Variants in MTSS1 observed in about 807,000 individuals in gnomAD.
MTSS1 encodes protein MTSS 1.
In MTSS1, 18 loss-of-function variants were observed where a neutral mutation model predicts 79.0. The ratio of observed to expected loss-of-function variants is 0.23; its 90% CI spans 0.16 to 0.34. MTSS1 has a LOEUF of 0.34. MTSS1 is among the 10% of genes least tolerant of loss of function. The pLI, the probability that MTSS1 is intolerant of heterozygous loss-of-function variation, is 1.00. For missense variants in MTSS1, 815 were observed against 986.2 expected, an observed-to-expected ratio of 0.83 and a Z score of 2.33; for synonymous variants, 341 against 368.6, an observed-to-expected ratio of 0.93 and a Z score of 0.86.
intron 3 of MTSS1, among the ~76,000 whole-genome samples, chr8:124,633,537 G>A (rs112318423): frequency 0.028 from 4,263 of 151,946 alleles, 172 homozygotes; most frequent in African/African-American, 0.097. Context: ...TTGGGAGGTC[G>A]AGGCGGGTGG....
intron 3 of MTSS1, among the ~76,000 whole-genome samples, chr8:124,679,927 C>A (rs1235072267): frequency 5.3e-5 from 8 of 152,170 alleles, no homozygotes; most frequent in Admixed American, 1.3e-4. Context: ...CTCATGTACC[C>A]ACTATTTTGG....
At chr8:124,614,163 C>CAAAAAAAA (rs3050528) in intron 3 of MTSS1, among the ~76,000 whole-genome samples, 1 of 92,444 alleles carries the variant, frequency 1.1e-5, no homozygotes. Flanking sequence ...ATACCTGCCT[C>CAAAAAAAA]AAAAAAAAAA....
chr8:124,567,854 T>C (rs936806326), intron 7 of MTSS1: 2 of 1,479,126 alleles, frequency 1.4e-6, no homozygotes, highest in Admixed American at 2.5e-5. Context: ...CCAGAACGCC[T>C]GCAGTGCAAG....
chr8:124,691,089 A>G (rs760791158), intron 3 of MTSS1, among the ~76,000 whole-genome samples: 1 of 152,240 alleles, frequency 6.6e-6, no homozygotes, highest in Non-Finnish European at 1.5e-5. Flanking sequence ...TTTTAAAAAG[A>G]TGTTTTATTC....
At chr8:124,577,742 C>A in intron 6 of MTSS1, 1 of 451,494 alleles carries the variant, frequency 2.2e-6, no homozygotes, top group Non-Finnish European at 4.4e-6. Flanking sequence ...TGGAACCATC[C>A]CACCCTCTGC....
intron 3 of MTSS1, among the ~76,000 whole-genome samples, chr8:124,663,482 T>G (rs539058391): frequency 2.1e-4 from 32 of 152,104 alleles, no homozygotes; most frequent in African/African-American, 7.5e-4. Flanking sequence ...TTGGCATGCA[T>G]CATCAGCCCA....
Position 124,553,373 on chromosome 8 carries a change from C to T in MTSS1, c.1887G>A (p.Val629=), listed in dbSNP as rs1822892360. The T allele has an allele frequency of 1.2e-6, 2 of 1,611,484 alleles. No homozygotes were observed. The highest frequency in any genetic ancestry group is 1.7e-6 in the Non-Finnish European group (2 of 1,177,992). The part of the protein sequence containing the change: ...KTPTVPDLPG[V]LPAPPDGPEE... ...CTGGCCCATCTGGAGGGGCTGGCAA[C>T]ACCCCTGGGAGGTCTGGGACGGTTG... The change falls in exon 14 of 14, where the codon GTG becomes GTA. Residue 629 remains valine, a synonymous_variant. Coordinates refer to ENST00000518547, the MANE Select transcript of MTSS1 (RefSeq NM_014751.6). This position sits in a 1 kb window ranked among gnomAD's most constrained non-coding sequence, Gnocchi z 6.0.
Position 124,574,075 on chromosome 8 carries a change from C to T in MTSS1, c.461-5539G>A, listed in dbSNP as rs186962600. ...CGGCACAATCTCAGCTCACTGAAAC[C>T]TCTGCCTCCTGGGTTCAAGACAGTA... On this transcript the variant is annotated intron_variant, in intron 6 of 13. Coordinates refer to ENST00000518547, the MANE Select transcript of MTSS1 (RefSeq NM_014751.6). Among the ~76,000 whole-genome samples, 5 of 152,262 alleles carry T rather than the reference C, an allele frequency of 3.3e-5. No individual in the cohort carries two copies. The East Asian group carries it at 9.7e-4, about 29-fold the overall frequency.
At chr8:124,707,775 C>G (rs1196013634) in intron 1 of MTSS1, among the ~76,000 whole-genome samples, 1 of 151,990 alleles carries the variant, frequency 6.6e-6, no homozygotes, top group African/African-American at 2.4e-5. Flanking sequence ...ACTCAGGAGG[C>G]TGAGGTGGGA....
chr8:124,558,736 C>G, intron 10 of MTSS1: 1 of 1,576,124 alleles, frequency 6.3e-7, no homozygotes, highest in East Asian at 2.3e-5. Flanking sequence ...ACCCAGGCAC[C>G]CATGGTGGAG....
At chr8:124,620,793 T>A (rs1327922161) in intron 3 of MTSS1, among the ~76,000 whole-genome samples, 1 of 152,192 alleles carries the variant, frequency 6.6e-6, no homozygotes, top group African/African-American at 2.4e-5. Flanking sequence ...TTTTAAAACA[T>A]CTTTTCATCT....
chr8:124,598,677 A>G (rs925141486), intron 3 of MTSS1, among the ~76,000 whole-genome samples: 3 of 152,248 alleles, frequency 2.0e-5, no homozygotes, highest in Admixed American at 6.5e-5. Flanking sequence ...TCCACTTGCC[A>G]TTAAAGAAAC....
intron 1 of MTSS1, among the ~76,000 whole-genome samples, chr8:124,721,928 T>C (rs539769909): frequency 2.5e-4 from 38 of 152,272 alleles, no homozygotes; most frequent in Non-Finnish European, 4.6e-4. Context: ...AACCTCGCCT[T>C]CTGGTGAGAC....
At chr8:124,679,413 T>C (rs950648185) in intron 3 of MTSS1, among the ~76,000 whole-genome samples, 7 of 152,216 alleles carry the variant, frequency 4.6e-5, no homozygotes, top group African/African-American at 1.7e-4. Flanking sequence ...CTTTAGAACA[T>C]ACTGATGCCC....
intron 3 of MTSS1, among the ~76,000 whole-genome samples, chr8:124,632,910 C>T (rs903128491): frequency 2.0e-5 from 3 of 152,152 alleles, no homozygotes; most frequent in African/African-American, 7.2e-5. Flanking sequence ...TCAGGTGATC[C>T]ACCTGCCTTG....
intron 3 of MTSS1, among the ~76,000 whole-genome samples, chr8:124,643,698 C>CAAAAAAAAAAAAAAAAAAAAAAAAAAAA (rs11323836): frequency 1.5e-5 from 1 of 66,920 alleles, no homozygotes; most frequent in Non-Finnish European, 2.8e-5. Flanking sequence ...AATTCCGTCT[C>CAAAAAAAAAAAAAAAAAAAAAAAAAAAA]AAAAAAAAAA....
At chr8:124,600,066 C>A (rs368035111) in intron 3 of MTSS1, among the ~76,000 whole-genome samples, 169 of 147,278 alleles carry the variant, frequency 1.1e-3, no homozygotes, top group East Asian at 0.011. Context: ...AAAAAAAAAA[C>A]CAAATATGCT....
At position 124,552,549 on chromosome 8, in the gene MTSS1, C is replaced by A. The variant is rs1199801015; in HGVS notation, c.*443G>T. 2.4e-5 allele frequency: 4 copies of A among 165,912 alleles called. No individual in the cohort carries two copies. The highest frequency in any genetic ancestry group is 7.2e-5 in the African/African-American group (3 of 41,538). 10.3% of individuals were successfully genotyped at this position (165,912 alleles called of 1,614,324 possible). On this transcript the variant is annotated 3_prime_UTR_variant, in exon 14 of 14. Transcript: ENST00000518547. Reference sequence around the variant, plus strand: ...TTAGTTTGTACATTAAAATAACTTGCATTTGCTTCTAAGCTAGACTACTAC... The same window carrying A: ...TTAGTTTGTACATTAAAATAACTTGAATTTGCTTCTAAGCTAGACTACTAC...
intron 5 of MTSS1, among the ~76,000 whole-genome samples, chr8:124,585,516 G>C (rs1282794391): frequency 6.6e-6 from 1 of 151,916 alleles, no homozygotes; most frequent in Non-Finnish European, 1.5e-5. Context: ...CCGAGTTCAA[G>C]CGATTCTCCC....
Sources: gnomAD v4.1 joint callset for allele counts (sites outside exome capture counted in the v4.1 genomes callset) on GRCh38, gnomAD v4.1.1 for gene constraint, Gnocchi (gnomAD v3.1) non-coding constraint, MANE v1.5 for transcripts, NCBI Gene and HGNC (gene_info 2026-07-23, HGNC 2026-07-21) for gene names.